The following MYT1L variants were observed in gnomAD, a reference collection of about 807,000 sequenced individuals.
MYT1L encodes myelin transcription factor 1 like, also known as myelin transcription factor 1-like protein.
In MYT1L, 12 loss-of-function variants were observed where a neutral mutation model predicts 126.7. That is an observed-to-expected ratio of 0.09 (90% CI 0.06 to 0.15). The LOEUF is 0.15. MYT1L is among the 10% of genes least tolerant of loss of function. The pLI is 1.00. For missense variants in MYT1L, 979 were observed against 1,585.2 expected, an observed-to-expected ratio of 0.62 and a Z score of 6.49; for synonymous variants, 541 against 604.2, an observed-to-expected ratio of 0.90 and a Z score of 1.53.
intron 3 of MYT1L, among the ~76,000 whole-genome samples, chr2:2,146,377 AGAGTGTGGCCGGGC>A (rs2084876658): frequency 6.6e-6 from 1 of 152,098 alleles, no homozygotes; most frequent in African/African-American, 2.4e-5. Context: ...AAGGGCCTGG[AGAGTGTGGCCGGGC>A]AGAGCACCTG....
intron 3 of MYT1L, among the ~76,000 whole-genome samples, chr2:2,170,520 AT>A: frequency 6.6e-6 from 1 of 152,356 alleles, no homozygotes; most frequent in African/African-American, 2.4e-5. Context: ...CTACAAAAAA[AT>A]GTTGGCCCAC....
At chr2:2,260,791 C>A (rs1465880737) in intron 2 of MYT1L, among the ~76,000 whole-genome samples, 2 of 151,936 alleles carry the variant, frequency 1.3e-5, no homozygotes, top group African/African-American at 2.4e-5. Context: ...GTGGCACAAT[C>A]ACCTGCAGGG....
intron 8 of MYT1L, among the ~76,000 whole-genome samples, chr2:1,972,029 T>C (rs549488932): frequency 9.2e-5 from 14 of 152,296 alleles, no homozygotes; most frequent in African/African-American, 3.4e-4. Flanking sequence ...AGGACGGGCG[T>C]GCATAAAGCT....
At chr2:1,837,965 G>A (rs961590645) in intron 21 of MYT1L, among the ~76,000 whole-genome samples, 2 of 151,392 alleles carry the variant, frequency 1.3e-5, no homozygotes, top group African/African-American at 4.9e-5. Context: ...AGGCTGGAGT[G>A]CAGTGGTGCA....
chr2:2,278,166 C>T (rs973935016), intron 2 of MYT1L, among the ~76,000 whole-genome samples: 15 of 152,168 alleles, frequency 9.9e-5, no homozygotes, highest in Admixed American at 3.9e-4. Flanking sequence ...GTACGAGGCA[C>T]TAATGGGTGG....
intron 1 of MYT1L, among the ~76,000 whole-genome samples, chr2:2,317,060 G>A (rs148130030): frequency 0.025 from 3,775 of 151,590 alleles, 90 homozygotes; most frequent in South Asian, 0.11. Context: ...CTCGTGATCC[G>A]CCCATCTTGG....
intron 2 of MYT1L, among the ~76,000 whole-genome samples, chr2:2,250,464 A>G (rs2149212105): frequency 6.6e-6 from 1 of 152,182 alleles, no homozygotes; most frequent in South Asian, 2.1e-4. Flanking sequence ...GAATCAAAAC[A>G]ATTGAACTCA....
chr2:2,006,268 G>A (rs1302388184), intron 4 of MYT1L, among the ~76,000 whole-genome samples: 1 of 152,112 alleles, frequency 6.6e-6, no homozygotes, highest in African/African-American at 2.4e-5. Flanking sequence ...TATCATGTAT[G>A]TTTGATGTTT....
At chr2:2,202,111 C>T (rs530068281) in intron 2 of MYT1L, among the ~76,000 whole-genome samples, 1 of 152,204 alleles carries the variant, frequency 6.6e-6, no homozygotes, top group South Asian at 2.1e-4. Flanking sequence ...CTCTGGGACA[C>T]ATTCAAAGCA....
rs62114692 is a variant in MYT1L, at chr2:1,852,480, G to T, written c.2712-777C>A. ...AGGTCTTGCTATTTCTCTAATCAGA[G>T]ACTTTTTTTAAGAAAAAGAGCTTTA... On this transcript the variant is annotated intron_variant, in intron 18 of 24. Transcript: ENST00000647738. The surrounding 1 kb of genome is among the most constrained non-coding windows in gnomAD (Gnocchi z 4.0). 2.8e-4 allele frequency among the ~76,000 whole-genome samples: 43 copies of T among 152,000 alleles called. No individual in the cohort carries two copies. The highest frequency in any genetic ancestry group is 5.6e-4 in the Non-Finnish European group (38 of 68,014).
At chr2:2,113,061 G>A (rs943008072) in intron 3 of MYT1L, among the ~76,000 whole-genome samples, 6 of 152,280 alleles carry the variant, frequency 3.9e-5, no homozygotes, top group Admixed American at 2.0e-4. Context: ...TGATGACCAC[G>A]GGGGCCCTGC....
chr2:2,032,390 C>A (rs1189986483), intron 4 of MYT1L, among the ~76,000 whole-genome samples: 11 of 72,236 alleles, frequency 1.5e-4, no homozygotes, highest in Middle Eastern at 0.014. Flanking sequence ...TGGCCCAGAG[C>A]AGATTCTAGA....
intron 4 of MYT1L, among the ~76,000 whole-genome samples, chr2:2,029,067 A>C (rs886599618): frequency 2.0e-5 from 3 of 152,250 alleles, no homozygotes; most frequent in Admixed American, 6.5e-5. Context: ...CTTTTTAAAA[A>C]GCTTCAGTTT....
intron 8 of MYT1L, among the ~76,000 whole-genome samples, chr2:1,951,764 G>C (rs2057773499): frequency 6.6e-6 from 1 of 152,168 alleles, no homozygotes; most frequent in African/African-American, 2.4e-5. Context: ...TAGCAAGCGG[G>C]GGTGCTTCCC....
intron 3 of MYT1L, among the ~76,000 whole-genome samples, chr2:2,128,862 T>A (rs2082026408): frequency 6.6e-6 from 1 of 152,156 alleles, no homozygotes; most frequent in Admixed American, 6.5e-5. Flanking sequence ...TTTAGGAGGC[T>A]CCAGTTAACA....
At chr2:1,965,320 G>GGC (rs1471338141) in intron 8 of MYT1L, among the ~76,000 whole-genome samples, 1 of 139,550 alleles carries the variant, frequency 7.2e-6, no homozygotes, top group Non-Finnish European at 1.5e-5. Context: ...GGAGGACCCA[G>GGC]ACTCTGTGAC....
rs551389194 is a variant in MYT1L at position 1,796,666 on chromosome 2, AC to A, written c.3277-4203del. Among the ~76,000 whole-genome samples, 251 of 151,768 alleles carry A rather than the reference AC, an allele frequency of 1.7e-3. 2 individuals are homozygous for A. Among genetic ancestry groups the A allele is most frequent in the African/African-American group, 5.8e-3 (241 of 41,390 alleles). ...CTGACAAATGCCTGCTGTTTGGGCC[AC>A]GGGGGGCAGCATCCCAGCCTCCCAG... On this transcript the variant is annotated intron_variant, in intron 23 of 24. Transcript: ENST00000647738.
intron 23 of MYT1L, among the ~76,000 whole-genome samples, chr2:1,799,311 G>A (rs1290613614): frequency 2.0e-5 from 3 of 152,212 alleles, no homozygotes; most frequent in Non-Finnish European, 4.4e-5. Context: ...CCACGCCCGT[G>A]CAGGTGCAGA....
intron 2 of MYT1L, among the ~76,000 whole-genome samples, chr2:2,272,426 C>T (rs1320524635): frequency 1.3e-5 from 2 of 152,178 alleles, no homozygotes; most frequent in East Asian, 1.9e-4. Context: ...GGGTGTCTTC[C>T]CTTTACTGCT....
Sources: gnomAD v4.1 joint callset for allele counts (sites outside exome capture counted in the v4.1 genomes callset) on GRCh38, gnomAD v4.1.1 for gene constraint, Gnocchi (gnomAD v3.1) non-coding constraint, MANE v1.5 for transcripts, NCBI Gene and HGNC (gene_info 2026-07-23, HGNC 2026-07-21) for gene names.